C5orf15: variants seen among roughly 807,000 people sequenced by gnomAD.
C5orf15 encodes the protein keratinocyte-associated transmembrane protein 2.
Under a neutral mutation model 17.8 loss-of-function variants are expected in C5orf15, and 10 were observed. The observed-to-expected ratio is 0.56, with a 90% CI of 0.35 to 0.95. The LOEUF (loss-of-function observed/expected upper bound fraction) is 0.95, where lower values mean the gene tolerates loss of function less well. C5orf15 is among the 40% of genes least tolerant of loss of function. C5orf15 has a pLI of 0.02. For synonymous variants in C5orf15, 124 were observed against 131.0 expected, an observed-to-expected ratio of 0.95 and a Z score of 0.36; for missense variants, 319 against 331.7, an observed-to-expected ratio of 0.96 and a Z score of 0.30.
At chr5:133,965,254 G>C (rs1752176526) in intron 1 of C5orf15, among the ~76,000 whole-genome samples, 1 of 152,086 alleles carries the variant, frequency 6.6e-6, no homozygotes, top group African/African-American at 2.4e-5. Flanking sequence ...CCCATGCCAT[G>C]GTTCTCAGCA....
At chr5:133,957,528 T>C (rs766693014) in intron 2 of C5orf15, among the ~76,000 whole-genome samples, 1 of 152,226 alleles carries the variant, frequency 6.6e-6, no homozygotes, top group Non-Finnish European at 1.5e-5. Context: ...AGGAACCTAC[T>C]TGTTTAACAA....
At chr5:133,966,864 G>T (rs1020180498) in intron 1 of C5orf15, among the ~76,000 whole-genome samples, 1 of 152,138 alleles carries the variant, frequency 6.6e-6, no homozygotes, top group Admixed American at 6.5e-5. Context: ...TTTTAAACTG[G>T]TGTATGTAAA....
intron 1 of C5orf15, among the ~76,000 whole-genome samples, chr5:133,964,466 G>A (rs923744858): frequency 2.0e-5 from 3 of 152,108 alleles, no homozygotes; most frequent in Non-Finnish European, 4.4e-5. Flanking sequence ...ATATCCTTGT[G>A]GTGATGGTAA....
chr5:133,961,559 AAAAACCAATAAATTAGT>A (rs1323561447), intron 1 of C5orf15, among the ~76,000 whole-genome samples: 1 of 151,346 alleles, frequency 6.6e-6, no homozygotes, highest in African/African-American at 2.4e-5. Context: ...AAAAAAAAAA[AAAAACCAATAAATTAGT>A]AAAACTCTCT....
intron 2 of C5orf15, 70 bp from the exon 3 acceptor site, chr5:133,957,060 T>C: frequency 7.9e-7 from 1 of 1,265,758 alleles, no homozygotes; most frequent in East Asian, 2.4e-5. Context: ...TTATAACAAG[T>C]AAAATATCTC....
At chr5:133,968,150 C>T (rs1752222970) in intron 1 of C5orf15, among the ~76,000 whole-genome samples, 1 of 152,056 alleles carries the variant, frequency 6.6e-6, no homozygotes. Context: ...CTTCAACGAT[C>T]TCTAGGCGCT....
Position 133,959,815 on chromosome 5 carries a change from T to C in C5orf15, c.345A>G (p.Glu115=). 6.2e-7 allele frequency: 1 copy of C among 1,614,050 alleles called. No homozygotes were observed. The change falls in exon 2 of 3, where the codon GAA becomes GAG. Residue 115 remains glutamate, a synonymous_variant. Coordinates refer to ENST00000231512, the MANE Select transcript of C5orf15 (RefSeq NM_020199.3). ...TACTAGGATCTTCATTGTTATCAGC[T>C]TCCTCTTGAGACAGAGGAGTAGGCG... ...HPSPTPLSQE[E]ADNNEDPSIE...
intron 1 of C5orf15, among the ~76,000 whole-genome samples, chr5:133,960,915 G>A (rs548061161): frequency 1.3e-5 from 2 of 150,998 alleles, no homozygotes; most frequent in Non-Finnish European, 2.9e-5. Context: ...AGAACTTCAA[G>A]GACCTCTACT....
chr5:133,959,550 T>C lies in C5orf15; in HGVS notation c.610A>G (p.Ile204Val). The change falls in exon 2 of 3, where the codon ATT (isoleucine) becomes GTT (valine). Residue 204 changes from isoleucine (I) to valine (V), a missense_variant. Around this residue, in one of 3 missense-constraint regions of C5orf15, gnomAD observed 175 missense variants for 192.4 expected, o/e 0.91. Coordinates refer to ENST00000231512, the MANE Select transcript of C5orf15 (RefSeq NM_020199.3). ...EEDSHFFFHL[I>V]IFAFCIAVVY... Reference sequence around the variant, plus strand: ...ACAGCAATGCAAAAAGCAAAAATAATAAGATGAAAAAAGAAATGGCTGTCT... The same window carrying C: ...ACAGCAATGCAAAAAGCAAAAATAACAAGATGAAAAAAGAAATGGCTGTCT... The C allele has an allele frequency of 1.2e-6, 2 of 1,600,078 alleles. No homozygotes were observed. Among genetic ancestry groups the C allele is most frequent in the Non-Finnish European group, 1.7e-6 (2 of 1,175,178 alleles).
chr5:133,962,655 C>T (rs1317220679), intron 1 of C5orf15, among the ~76,000 whole-genome samples: 1 of 152,082 alleles, frequency 6.6e-6, no homozygotes, highest in African/African-American at 2.4e-5. Flanking sequence ...ATGAGCTAGC[C>T]CTCCTCTTTA....
intron 2 of C5orf15, among the ~76,000 whole-genome samples, chr5:133,959,142 G>A (rs892629613): frequency 2.6e-5 from 4 of 152,062 alleles, no homozygotes; most frequent in Non-Finnish European, 4.4e-5. Context: ...GAGGCGGGAG[G>A]ACTGCTTGAG....
At chr5:133,967,394 A>C (rs1752212467) in intron 1 of C5orf15, 1 of 152,224 alleles carries the variant, frequency 6.6e-6, no homozygotes, top group Non-Finnish European at 1.5e-5. Flanking sequence ...AAAACACTAT[A>C]CCAGGTCACA....
chr5:133,956,891 A>C lies in C5orf15; in HGVS notation c.766T>G (p.Ser256Ala). 5 of 1,599,810 alleles carry C rather than the reference A, an allele frequency of 3.1e-6. No individual in the cohort carries two copies. The highest frequency in any genetic ancestry group is 3.4e-6 in the Non-Finnish European group (4 of 1,174,916). Residue 256 changes from serine (S) to alanine (A), a missense_variant, in exon 3 of 3, where the codon TCT becomes GCT. Ser to Ala is a moderately conservative substitution (Grantham distance 99). Around this residue, in one of 3 missense-constraint regions of C5orf15, gnomAD observed 175 missense variants for 192.4 expected, o/e 0.91. Transcript: ENST00000231512. Reference protein sequence around the residue: ...LDQNVNEAMPSLKITNDYIF With the variant: ...LDQNVNEAMPALKITNDYIF ...ATATAATCATTGGTAATCTTCAAAGAAGGCATTGCCTCATTAACATTCTGA... is the reference window on the plus strand; with the variant it reads ...ATATAATCATTGGTAATCTTCAAAGCAGGCATTGCCTCATTAACATTCTGA...
intron 1 of C5orf15, among the ~76,000 whole-genome samples, chr5:133,962,504 AAT>A (rs2126877788): frequency 6.6e-6 from 1 of 152,274 alleles, no homozygotes; most frequent in East Asian, 1.9e-4. Context: ...CTTAAGCTAT[AAT>A]GCACTAACTT....
chr5:133,965,366 G>A (rs1752177539), intron 1 of C5orf15, among the ~76,000 whole-genome samples: 1 of 152,084 alleles, frequency 6.6e-6, no homozygotes, highest in East Asian at 1.9e-4. Flanking sequence ...TAGTCAAGCA[G>A]TAAAATCTTG....
intron 1 of C5orf15, among the ~76,000 whole-genome samples, chr5:133,963,154 T>G (rs1037698767): frequency 1.3e-5 from 2 of 152,274 alleles, no homozygotes; most frequent in Non-Finnish European, 2.9e-5. Flanking sequence ...TTAAAATTGT[T>G]GGCAATCATA....
chr5:133,958,443 G>A (rs1752067898), intron 2 of C5orf15, among the ~76,000 whole-genome samples: 2 of 151,888 alleles, frequency 1.3e-5, no homozygotes, highest in Non-Finnish European at 2.9e-5. Flanking sequence ...CAGGCGTGGT[G>A]GCCTGCGCCT....
At chr5:133,963,972 A>G (rs1752159302) in intron 1 of C5orf15, among the ~76,000 whole-genome samples, 2 of 152,234 alleles carry the variant, frequency 1.3e-5, no homozygotes, top group African/African-American at 4.8e-5. Flanking sequence ...TAATCTGGGC[A>G]CTTTGGGAGG....
chr5:133,966,047 ACC>A (rs1752187309), intron 1 of C5orf15, among the ~76,000 whole-genome samples: 1 of 152,004 alleles, frequency 6.6e-6, no homozygotes, highest in Non-Finnish European at 1.5e-5. Flanking sequence ...ACACGGTGAA[ACC>A]CCGTCTCTAC....
Sources: gnomAD v4.1 joint callset for allele counts (sites outside exome capture counted in the v4.1 genomes callset) on GRCh38, gnomAD v4.1.1 for gene constraint, gnomAD v4.1.1 regional missense constraint, MANE v1.5 for transcripts, NCBI Gene and HGNC (gene_info 2026-07-23, HGNC 2026-07-21) for gene names.